The following ADAMTSL3 variants were observed in gnomAD, a reference collection of about 807,000 sequenced individuals.
ADAMTSL3 encodes the protein ADAMTS like 3, also known as ADAMTS-like protein 3.
In ADAMTSL3, 128 loss-of-function variants were observed where a neutral mutation model predicts 201.7. That is an observed-to-expected ratio of 0.63 (90% CI 0.55 to 0.73). ADAMTSL3 has a LOEUF of 0.73. ADAMTSL3 is among the 30% of genes least tolerant of loss of function. The pLI is 0.00. For missense variants in ADAMTSL3, 1,990 were observed against 2,119.6 expected (o/e 0.94, Z 1.20); for synonymous variants, 738 against 748.4 (o/e 0.99, Z 0.23).
intron 3 of ADAMTSL3, among the ~76,000 whole-genome samples, chr15:83,767,118 C>T (rs757244302): frequency 3.3e-5 from 5 of 152,088 alleles, no homozygotes; most frequent in Middle Eastern, 6.8e-3. Flanking sequence ...AAGAAATTAT[C>T]GATGAGCCTT....
intron 10 of ADAMTSL3, among the ~76,000 whole-genome samples, chr15:83,885,536 A>C (rs1169504336): frequency 6.6e-6 from 1 of 151,988 alleles, no homozygotes; most frequent in Non-Finnish European, 1.5e-5. Flanking sequence ...TATTATTTTT[A>C]ATTTTCTATG....
chr15:83,700,058 A>G (rs921582387), intron 2 of ADAMTSL3, among the ~76,000 whole-genome samples: 1 of 152,230 alleles, frequency 6.6e-6, no homozygotes, highest in Non-Finnish European at 1.5e-5. Flanking sequence ...TCCTCATTGT[A>G]TCTATCGCAC....
chr15:83,992,270 A>G (rs1045077231), intron 23 of ADAMTSL3, among the ~76,000 whole-genome samples: 2 of 152,138 alleles, frequency 1.3e-5, no homozygotes, highest in Admixed American at 6.5e-5. Context: ...GTTACTTGCC[A>G]TGTTTCCAAA....
At chr15:84,018,140 G>A (rs550549777) in intron 25 of ADAMTSL3, among the ~76,000 whole-genome samples, 2 of 152,316 alleles carry the variant, frequency 1.3e-5, no homozygotes, top group African/African-American at 2.4e-5. Flanking sequence ...ATTGGTGAAG[G>A]TGAAGCCTTT....
chr15:83,704,339 G>A lies in ADAMTSL3; in HGVS notation c.70-50G>A, dbSNP rs200715976. On this transcript the variant is annotated intron_variant, in intron 2 of 29. Transcript: ENST00000286744. ...TGGCCTTCTTGGACTTTACCTGTCA[G>A]GGGGTCCTTACTGGAGCCTTATTTG... 4.4e-4 allele frequency: 711 copies of A among 1,612,940 alleles called. No individual in the cohort carries two copies. The highest frequency in any genetic ancestry group is 5.6e-4 in the Non-Finnish European group (655 of 1,179,492).
At chr15:83,905,876 C>A (rs1391506409) in intron 15 of ADAMTSL3, among the ~76,000 whole-genome samples, 7 of 151,972 alleles carry the variant, frequency 4.6e-5, no homozygotes, top group Admixed American at 4.6e-4. Flanking sequence ...CCCATACGTT[C>A]ATCAAAATCA....
At chr15:83,862,029 T>G (rs1596326156) in intron 8 of ADAMTSL3, 1 of 151,800 alleles carries the variant, frequency 6.6e-6, no homozygotes, top group South Asian at 2.1e-4. Context: ...TGATGGAAGA[T>G]CAAATGAATG....
intron 10 of ADAMTSL3, among the ~76,000 whole-genome samples, chr15:83,887,615 CCTT>C (rs1452273563): frequency 1.3e-5 from 2 of 152,162 alleles, no homozygotes; most frequent in African/African-American, 4.8e-5. Flanking sequence ...TTCTCTCTCT[CCTT>C]TTTGTTTGTT....
chr15:83,949,545 C>T (rs917648407), intron 19 of ADAMTSL3, among the ~76,000 whole-genome samples: 1 of 152,052 alleles, frequency 6.6e-6, no homozygotes, highest in Middle Eastern at 3.2e-3. Context: ...ATTTCTAGAT[C>T]ATATGGTAGC....
chr15:83,700,353 T>A (rs2061754388), intron 2 of ADAMTSL3, among the ~76,000 whole-genome samples: 1 of 152,264 alleles, frequency 6.6e-6, no homozygotes, highest in South Asian at 2.1e-4. Context: ...GTGCCAGGAA[T>A]AGTCACTGTC....
At chr15:84,002,173 A>C (rs1056409013) in intron 23 of ADAMTSL3, among the ~76,000 whole-genome samples, 1 of 152,214 alleles carries the variant, frequency 6.6e-6, no homozygotes, top group Non-Finnish European at 1.5e-5. Context: ...AAGTAGAAAG[A>C]AATCTAGAAT....
intron 5 of ADAMTSL3, among the ~76,000 whole-genome samples, chr15:83,807,390 G>C (rs1163333892): frequency 1.3e-5 from 2 of 151,952 alleles, no homozygotes; most frequent in Non-Finnish European, 2.9e-5. Context: ...CGGGAGGTGG[G>C]AGTTGCAGTG....
chr15:83,843,269 A>T (rs1053601260), intron 7 of ADAMTSL3, among the ~76,000 whole-genome samples: 1 of 151,604 alleles, frequency 6.6e-6, no homozygotes, highest in African/African-American at 2.4e-5. Flanking sequence ...ATCAATTTCT[A>T]CGTAGAAAGG....
At chr15:83,970,400 T>C in intron 19 of ADAMTSL3, 84 bp from the exon 20 acceptor site, 1 of 1,530,118 alleles carries the variant, frequency 6.5e-7, no homozygotes, top group Non-Finnish European at 9.0e-7. Flanking sequence ...TTTCCTCTTG[T>C]TTCACCCTTG....
At chr15:83,769,780 A>T (rs1431802702) in intron 3 of ADAMTSL3, among the ~76,000 whole-genome samples, 22 of 143,294 alleles carry the variant, frequency 1.5e-4, no homozygotes, top group Admixed American at 2.1e-4. Context: ...TTTTAATTTA[A>T]TTTTTCTTTT....
intron 9 of ADAMTSL3, among the ~76,000 whole-genome samples, chr15:83,874,214 C>T (rs1313377890): frequency 1.4e-5 from 2 of 144,820 alleles, no homozygotes; most frequent in African/African-American, 5.3e-5. Context: ...TGGTTGCTCT[C>T]CAGGGCAGGG....
intron 17 of ADAMTSL3, among the ~76,000 whole-genome samples, chr15:83,939,069 A>G (rs1444963953): frequency 1.3e-5 from 2 of 152,188 alleles, no homozygotes; most frequent in African/African-American, 4.8e-5. Flanking sequence ...ATAGTTTGCT[A>G]TGTCGTAGAC....
In ADAMTSL3 at chr15:83,773,522, G is replaced by C. The variant is rs369967677; in HGVS notation, c.190-1G>C. The C allele has an allele frequency of 6.2e-7, 1 of 1,607,464 alleles. No homozygotes were observed. The highest frequency in any genetic ancestry group is 1.3e-5 in the African/African-American group (1 of 74,598). On this transcript the variant is annotated splice_acceptor_variant, in intron 3 of 29. Coordinates refer to ENST00000286744, the MANE Select transcript of ADAMTSL3 (RefSeq NM_207517.3). LOFTEE classifies it high-confidence loss of function. ...TTGTTTGTTTGCTTTTTAACATCTA[G>C]ACCTCAAGAAACACTCGTTCAGATG...
intron 19 of ADAMTSL3, among the ~76,000 whole-genome samples, chr15:83,960,962 CAT>C (rs1479092265): frequency 8.6e-5 from 13 of 152,032 alleles, no homozygotes; most frequent in Admixed American, 7.2e-4. Context: ...ACATGGATAA[CAT>C]AAGATTTTCC....
Sources: allele counts gnomAD v4.1 joint callset (sites outside exome capture counted in the v4.1 genomes callset), GRCh38; gene constraint gnomAD v4.1.1; transcripts MANE v1.5; gene names NCBI Gene and HGNC (gene_info 2026-07-23, HGNC 2026-07-21).